METTL15: variants seen among roughly 807,000 people sequenced by gnomAD.
The protein encoded by METTL15 is 12S rRNA N(4)-cytidine methyltransferase METTL15.
A neutral mutation model predicts 38.3 loss-of-function variants in METTL15; 34 were observed. The ratio of observed to expected loss-of-function variants is 0.89; its 90% CI spans 0.68 to 1.18. METTL15 has a LOEUF of 1.18. Ranked by LOEUF, METTL15 falls within the 50% of genes most tolerant of loss-of-function variation. METTL15 has a pLI of 0.00. For synonymous variants in METTL15, 162 were observed against 170.9 expected (o/e 0.95, Z 0.41); for missense variants, 438 against 498.4 (o/e 0.88, Z 1.15).
At chr11:28,454,615 A>T (rs972400471) in intron 6 of METTL15, among the ~76,000 whole-genome samples, 3 of 152,232 alleles carry the variant, frequency 2.0e-5, no homozygotes, top group African/African-American at 7.2e-5. Context: ...CCGTCTACTC[A>T]TCAAACCAAT....
intron 6 of METTL15, among the ~76,000 whole-genome samples, chr11:28,489,606 C>CAGAG (rs139116502): frequency 8.1e-5 from 12 of 148,756 alleles, no homozygotes; most frequent in Middle Eastern, 3.2e-3. Flanking sequence ...TATGGAAGCC[C>CAGAG]AGAGAGAGAG....
chr11:28,246,242 T>C (rs1047921644), intron 4 of METTL15, among the ~76,000 whole-genome samples: 13 of 152,176 alleles, frequency 8.5e-5, no homozygotes, highest in Non-Finnish European at 1.8e-4. Flanking sequence ...ATAATTACCC[T>C]AATTTCATCT....
intron 5 of METTL15, among the ~76,000 whole-genome samples, chr11:28,393,448 G>C (rs887808998): frequency 6.6e-6 from 1 of 152,104 alleles, no homozygotes; most frequent in African/African-American, 2.4e-5. Context: ...GAATTTTGAA[G>C]TGGCTTAGTT....
chr11:28,200,094 A>G (rs1332721653), intron 3 of METTL15, among the ~76,000 whole-genome samples: 9 of 152,036 alleles, frequency 5.9e-5, no homozygotes, highest in Admixed American at 2.6e-4. Context: ...AAGTTATCCA[A>G]ATGGCATGCT....
intron 6 of METTL15, among the ~76,000 whole-genome samples, chr11:28,477,243 C>T (rs1851354732): frequency 6.6e-6 from 1 of 152,184 alleles, no homozygotes; most frequent in African/African-American, 2.4e-5. Flanking sequence ...GTGGCACGAT[C>T]TTGGCTCACT....
At chr11:28,519,812 T>C (rs1036172971) in intron 6 of METTL15, among the ~76,000 whole-genome samples, 1 of 152,102 alleles carries the variant, frequency 6.6e-6, no homozygotes, top group Non-Finnish European at 1.5e-5. Context: ...AACCACCTTC[T>C]TGTTATAGAA....
At position 28,172,699 on chromosome 11, in the gene METTL15, G is replaced by A. The variant is rs1260645839; in HGVS notation, c.271-38363G>A. ...CTGAATCAGTTTATTCATTGTCTCAGACATTGCGTTAGGTACTAGTAGCCT... is the reference window on the plus strand; with the variant it reads ...CTGAATCAGTTTATTCATTGTCTCAAACATTGCGTTAGGTACTAGTAGCCT... On this transcript the variant is annotated intron_variant, in intron 3 of 6. Transcript: ENST00000407364. Among the ~76,000 whole-genome samples, 18 of 152,170 alleles carry A rather than the reference G, an allele frequency of 1.2e-4. 1 individual carries two copies. Among genetic ancestry groups the A allele is most frequent in the Admixed American group, 1.2e-3 (18 of 15,280 alleles).
chr11:28,145,707 C>T (rs1360613548), intron 3 of METTL15: 1 of 151,994 alleles, frequency 6.6e-6, no homozygotes, highest in Non-Finnish European at 1.5e-5. Context: ...TAATTGCTTA[C>T]ATTATTACTC....
intron 6 of METTL15, among the ~76,000 whole-genome samples, chr11:28,299,401 A>G (rs1856840560): frequency 1.3e-5 from 2 of 152,040 alleles, no homozygotes; most frequent in African/African-American, 4.8e-5. Context: ...GAGTTTCCAA[A>G]GTTTCCAACT....
At chr11:28,496,179 A>G (rs1421047834) in intron 6 of METTL15, among the ~76,000 whole-genome samples, 1 of 152,258 alleles carries the variant, frequency 6.6e-6, no homozygotes, top group Non-Finnish European at 1.5e-5. Context: ...TCACAGTTCC[A>G]CATAGCTGGA....
intron 3 of METTL15, among the ~76,000 whole-genome samples, chr11:28,184,914 A>G (rs1288219857): frequency 6.6e-6 from 1 of 151,568 alleles, no homozygotes; most frequent in African/African-American, 2.4e-5. Flanking sequence ...ATACCAGATC[A>G]TTGAGAATGG....
chr11:28,142,628 G>T (rs1849739307), intron 3 of METTL15, among the ~76,000 whole-genome samples: 1 of 152,138 alleles, frequency 6.6e-6, no homozygotes, highest in African/African-American at 2.4e-5. Flanking sequence ...AAAGCCCATT[G>T]TGGCTAAGTG....
In METTL15 at chr11:28,180,047, A is replaced by G. The variant is rs1565146716; in HGVS notation, c.271-31015A>G. Among the ~76,000 whole-genome samples, 3 of 151,830 alleles carry G rather than the reference A, an allele frequency of 2.0e-5. No individual in the cohort carries two copies. The South Asian group carries it at 6.2e-4, about 31-fold the overall frequency. On this transcript the variant is annotated intron_variant, in intron 3 of 6. Transcript: ENST00000407364. ...ATGGTCTAAAGTTGGGATCTTTATT[A>G]TCTCCTCACCCATACCTTCCACTTT...
intron 6 of METTL15, among the ~76,000 whole-genome samples, chr11:28,425,499 C>A (rs921137038): frequency 2.0e-5 from 3 of 152,142 alleles, no homozygotes; most frequent in African/African-American, 7.2e-5. Context: ...AAGAATTATG[C>A]TCCTTTTTGT....
At chr11:28,463,223 T>G (rs185709881) in intron 6 of METTL15, among the ~76,000 whole-genome samples, 4 of 152,170 alleles carry the variant, frequency 2.6e-5, no homozygotes, top group African/African-American at 9.7e-5. Flanking sequence ...ATTAAACATA[T>G]GGTAATCCAT....
chr11:28,361,013 T>G (rs1850133718), intron 4 of METTL15, among the ~76,000 whole-genome samples: 1 of 152,134 alleles, frequency 6.6e-6, no homozygotes, highest in Admixed American at 6.5e-5. Context: ...GACTGCATAG[T>G]ATTCCATGGT....
At chr11:28,361,441 A>T (rs1415367759) in intron 4 of METTL15, among the ~76,000 whole-genome samples, 5 of 152,178 alleles carry the variant, frequency 3.3e-5, no homozygotes, top group African/African-American at 4.8e-5. Flanking sequence ...CATTTCAGTT[A>T]TTTGAGAACA....
chr11:28,253,004 G>A (rs1854811204), intron 4 of METTL15, among the ~76,000 whole-genome samples: 1 of 152,072 alleles, frequency 6.6e-6, no homozygotes, highest in African/African-American at 2.4e-5. Context: ...TCCTCTAACA[G>A]ACTTCTAATT....
intron 5 of METTL15, among the ~76,000 whole-genome samples, chr11:28,373,524 G>A (rs1850269789): frequency 6.6e-6 from 1 of 152,150 alleles, no homozygotes; most frequent in Non-Finnish European, 1.5e-5. Flanking sequence ...TTAGCCCGTT[G>A]TCAGATGAGG....
Sources: gnomAD v4.1 joint callset for allele counts (sites outside exome capture counted in the v4.1 genomes callset) on GRCh38, gnomAD v4.1.1 for gene constraint, MANE v1.5 for transcripts, NCBI Gene and HGNC (gene_info 2026-07-23, HGNC 2026-07-21) for gene names.